TSPAN19: variants seen among roughly 807,000 people sequenced by gnomAD.
TSPAN19 encodes the protein tetraspanin 19.
Under a neutral mutation model 35.1 loss-of-function variants are expected in TSPAN19, and 44 were observed. The ratio of observed to expected loss-of-function variants is 1.25; its 90% CI spans 0.98 to 1.61. The LOEUF is 1.61. TSPAN19 is among the 40% of genes most tolerant of loss of function. The probability of loss-of-function intolerance (pLI) is 0.00; values close to 1 mark genes in which losing one functional copy is unlikely to be tolerated. For synonymous variants in TSPAN19, 79 were observed against 92.0 expected (o/e 0.86, Z 0.81); for missense variants, 290 against 280.0 (o/e 1.04, Z -0.26).
chr12:85,019,423 A>G (rs530559925), intron 6 of TSPAN19, among the ~76,000 whole-genome samples: 3 of 152,128 alleles, frequency 2.0e-5, no homozygotes, highest in Non-Finnish European at 4.4e-5. Flanking sequence ...ACATCCATTA[A>G]CACAGAAAAG....
intron 7 of TSPAN19, 142 bp from the exon 8 acceptor site, chr12:85,016,113 CT>C: frequency 3.9e-6 from 2 of 511,652 alleles, no homozygotes; most frequent in Admixed American, 4.2e-5. Context: ...GCGAACTGGA[CT>C]TTTAGTCCAG....
chr12:85,024,304 A>C (rs1216500030), intron 4 of TSPAN19, among the ~76,000 whole-genome samples: 1 of 152,198 alleles, frequency 6.6e-6, no homozygotes, highest in Non-Finnish European at 1.5e-5. Context: ...GCAGGAGATG[A>C]CTGAAGACAG....
chr12:85,015,467 C>G (rs1263780394), intron 8 of TSPAN19: 1 of 152,286 alleles, frequency 6.6e-6, no homozygotes, highest in Non-Finnish European at 1.5e-5. Flanking sequence ...AGTCAAACAT[C>G]TGCCTAGATT....
chr12:85,023,416 A>T lies in TSPAN19; in HGVS notation c.265-16T>A. 1 of 1,549,072 alleles carries T rather than the reference A, an allele frequency of 6.5e-7. No individual in the cohort carries two copies. The highest frequency in any genetic ancestry group is 8.8e-7 in the Non-Finnish European group (1 of 1,140,790). ...ATACTGCATACTAAAACAAAAGAAA[A>T]ATAGAGATGATGACTATGCTACTAA... On this transcript the variant is annotated splice_polypyrimidine_tract_variant and intron_variant, in intron 4 of 8. Transcript: ENST00000532498.
intron 1 of TSPAN19, among the ~76,000 whole-genome samples, chr12:85,032,212 T>C (rs143448893): frequency 3.3e-5 from 5 of 152,272 alleles, no homozygotes; most frequent in Non-Finnish European, 7.4e-5. Context: ...ATGGGTAGCA[T>C]AGGCTGTACA....
chr12:85,018,051 G>A (rs899382664), intron 6 of TSPAN19, among the ~76,000 whole-genome samples: 4 of 151,748 alleles, frequency 2.6e-5, no homozygotes, highest in Non-Finnish European at 4.4e-5. Context: ...GGATTAATGT[G>A]AGATGTTAAC....
Position 85,029,928 on chromosome 12 carries a change from T to C in TSPAN19, c.19A>G (p.Thr7Ala). 6.9e-7 allele frequency: 1 copy of C among 1,457,252 alleles called. No individual in the cohort carries two copies. The highest frequency in any genetic ancestry group is 9.2e-7 in the Non-Finnish European group (1 of 1,081,122). The allele number at this position is 1,457,252 out of a possible 1,614,324, so 90.3% of individuals were successfully genotyped here. A position where few individuals can be genotyped will look rare whatever the true frequency, so the allele number is the denominator to read the frequency against. The change falls in exon 2 of 9, where the codon ACA becomes GCA. Residue 7 changes from threonine to alanine, a missense_variant. Coordinates refer to ENST00000532498, the MANE Select transcript of TSPAN19 (RefSeq NM_001100917.2). MLRNNK[T>A]IIIKYFLNLI... ...TTAAGAAAGTACTTAATAATTATTG[T>C]TTTGTTATTTCTTAACATTCTTTTT...
intron 6 of TSPAN19, among the ~76,000 whole-genome samples, chr12:85,018,445 T>C (rs146773153): frequency 3.3e-5 from 5 of 152,044 alleles, no homozygotes; most frequent in African/African-American, 1.2e-4. Context: ...TGGCTAGGAA[T>C]TGAAAGCTGG....
At chr12:85,014,628 A>G (rs904623990) in intron 8 of TSPAN19, 73 bp from the exon 9 acceptor site, 5 of 1,127,776 alleles carry the variant, frequency 4.4e-6, no homozygotes, top group Non-Finnish European at 6.5e-6. Flanking sequence ...TTAACAATAT[A>G]TAGTCACCAA....
At chr12:85,025,245 C>T (rs1044145600) in intron 4 of TSPAN19, among the ~76,000 whole-genome samples, 7 of 151,262 alleles carry the variant, frequency 4.6e-5, no homozygotes, top group South Asian at 2.1e-4. Flanking sequence ...AAGCGATTCT[C>T]GTTCCTCAGC....
intron 4 of TSPAN19, chr12:85,024,608 C>G (rs1877297494): frequency 6.6e-6 from 1 of 152,464 alleles, no homozygotes; most frequent in African/African-American, 2.4e-5. Context: ...TGAAATCCCT[C>G]TCTACTAAAA....
chr12:85,021,443 T>C (rs771622047), intron 5 of TSPAN19, among the ~76,000 whole-genome samples: 11 of 152,102 alleles, frequency 7.2e-5, no homozygotes, highest in Non-Finnish European at 1.3e-4. Flanking sequence ...ACTCTGTTCA[T>C]TTTTATTTAG....
At chr12:85,032,261 G>C (rs1877721772) in intron 1 of TSPAN19, among the ~76,000 whole-genome samples, 1 of 152,088 alleles carries the variant, frequency 6.6e-6, no homozygotes, top group Non-Finnish European at 1.5e-5. Flanking sequence ...TGTCATGGGT[G>C]TGAATGAAAG....
rs143218811 is a variant in TSPAN19 at position 85,028,160 on chromosome 12, GTC to G, written c.140-139_140-138del. On this transcript the variant is annotated intron_variant, in intron 3 of 8. Transcript: ENST00000532498. The stretch of plus-strand genomic sequence containing the variant: ...TGTTGCCAAACCACTAGGATTCTCT[GTC>G]TCTCTCTGTCTCTCAATTTTTGACC... The G allele has an allele frequency of 5.0e-6, 3 of 594,804 alleles. No homozygotes were observed. The South Asian group carries it at 8.0e-5, about 16-fold the overall frequency. 36.8% of individuals were successfully genotyped at this position (594,804 alleles called of 1,614,324 possible).
chr12:85,027,234 A>G (rs1877459016), intron 4 of TSPAN19, among the ~76,000 whole-genome samples: 1 of 152,102 alleles, frequency 6.6e-6, no homozygotes, highest in Admixed American at 6.6e-5. Context: ...ACAATTTGTG[A>G]TCTCAATTAT....
rs1876664918 is a variant in TSPAN19, at chr12:85,014,321, T to A, written c.*166A>T. 1 of 489,480 alleles carries A rather than the reference T, an allele frequency of 2.0e-6. No homozygotes were observed. Among genetic ancestry groups the A allele is most frequent in the Non-Finnish European group, 3.6e-6 (1 of 277,590 alleles). The allele number at this position is 489,480 out of a possible 1,614,324, so 30.3% of individuals were successfully genotyped here. Reference sequence around the variant, plus strand: ...TTTTGAAAAACAAAATTAATATAATTTCATGAATGTTTTATTATAGTATTC... The same window carrying A: ...TTTTGAAAAACAAAATTAATATAATATCATGAATGTTTTATTATAGTATTC... On this transcript the variant is annotated 3_prime_UTR_variant, in exon 9 of 9. Transcript: ENST00000532498.
intron 5 of TSPAN19, among the ~76,000 whole-genome samples, chr12:85,021,309 G>A (rs1877109808): frequency 6.6e-6 from 1 of 151,766 alleles, no homozygotes. Context: ...AGTAACTGGT[G>A]GGAATATCAC....
In TSPAN19 at chr12:85,031,940, A is replaced by C. The variant is rs887018347; in HGVS notation, c.-27-1967T>G. Among the ~76,000 whole-genome samples, 26 of 152,110 alleles carry C rather than the reference A, an allele frequency of 1.7e-4. 1 individual carries two copies. The highest frequency in any genetic ancestry group is 1.4e-3 in the Admixed American group (22 of 15,242). On this transcript the variant is annotated intron_variant, in intron 1 of 8. Transcript: ENST00000532498. Reference sequence around the variant, plus strand: ...AAATGCCCACTGGTCAGAAAAGGCCAATTACAGAAGATAATTAGAAAAAAA... The same window carrying C: ...AAATGCCCACTGGTCAGAAAAGGCCCATTACAGAAGATAATTAGAAAAAAA...
chr12:85,019,855 G>T, intron 5 of TSPAN19, 119 bp from the exon 6 acceptor site: 1 of 548,832 alleles, frequency 1.8e-6, no homozygotes, highest in Non-Finnish European at 3.2e-6. Context: ...TTATTTTTCT[G>T]TTTTCTGTTT....
Sources: gnomAD v4.1 joint callset for allele counts (sites outside exome capture counted in the v4.1 genomes callset) on GRCh38, gnomAD v4.1.1 for gene constraint, MANE v1.5 for transcripts, NCBI Gene and HGNC (gene_info 2026-07-23, HGNC 2026-07-21) for gene names.